The following LIMK2 variants were observed in gnomAD, a reference collection of about 807,000 sequenced individuals.
LIMK2 encodes the protein LIM domain kinase 2.
LIMK2 carries 35 observed loss-of-function variants against 75.7 expected under a neutral mutation model. The observed-to-expected ratio is 0.46, with a 90% CI of 0.35 to 0.61. The LOEUF (loss-of-function observed/expected upper bound fraction) is 0.61, where lower values mean the gene tolerates loss of function less well. LIMK2 is among the 20% of genes least tolerant of loss of function. LIMK2 has a pLI of 0.00. For synonymous variants in LIMK2, 301 were observed against 319.2 expected, an observed-to-expected ratio of 0.94 and a Z score of 0.61; for missense variants, 623 against 831.0, an observed-to-expected ratio of 0.75 and a Z score of 3.08.
At chr22:31,220,286 T>G (rs1293812584) in intron 1 of LIMK2, among the ~76,000 whole-genome samples, 1 of 152,204 alleles carries the variant, frequency 6.6e-6, no homozygotes, top group Non-Finnish European at 1.5e-5. Flanking sequence ...TTTATCCACA[T>G]GAGACTACTC....
rs145329401 is a variant in LIMK2 at position 31,276,979 on chromosome 22, A to G, written c.1773-1318A>G. 46 of 1,613,688 alleles carry G rather than the reference A, an allele frequency of 2.9e-5. No individual in the cohort carries two copies. The African/African-American group carries it at 5.7e-4, about 20-fold the overall frequency. On this transcript the variant is annotated intron_variant, in intron 15 of 15. Coordinates refer to ENST00000331728, the MANE Select transcript of LIMK2 (RefSeq NM_005569.4). ...GGAAGAGGAGATCTCAGAACTAGAGATTGACGTGGATGAGCTCCTGGACAT... is the reference window on the plus strand; with the variant it reads ...GGAAGAGGAGATCTCAGAACTAGAGGTTGACGTGGATGAGCTCCTGGACAT...
intron 2 of LIMK2, among the ~76,000 whole-genome samples, chr22:31,254,771 C>T (rs2048760557): frequency 6.6e-6 from 1 of 152,122 alleles, no homozygotes; most frequent in South Asian, 2.1e-4. Context: ...CCAGCCTCAC[C>T]AACATGGGGA....
At chr22:31,266,884 G>A (rs2048901569) in intron 8 of LIMK2, 100 bp from the exon 9 acceptor site, 2 of 786,922 alleles carry the variant, frequency 2.5e-6, no homozygotes. Flanking sequence ...GGCTCAGTGT[G>A]CCCTCCAAGG....
intron 1 of LIMK2, among the ~76,000 whole-genome samples, chr22:31,213,718 A>G (rs933267913): frequency 6.6e-6 from 1 of 152,170 alleles, no homozygotes; most frequent in Non-Finnish European, 1.5e-5. Context: ...CAGCTTGGGC[A>G]ATATAGCGAG....
At chr22:31,229,236 C>T (rs1193171755) in intron 2 of LIMK2, among the ~76,000 whole-genome samples, 1 of 152,212 alleles carries the variant, frequency 6.6e-6, no homozygotes, top group African/African-American at 2.4e-5. Flanking sequence ...AGGAGCACAT[C>T]TCCTGACTTC....
chr22:31,257,223 G>A (rs549477054), intron 2 of LIMK2, among the ~76,000 whole-genome samples: 63 of 151,800 alleles, frequency 4.2e-4, no homozygotes, highest in African/African-American at 1.4e-3. Context: ...ATCTTACACA[G>A]TGCTAATAGA....
At chr22:31,270,583 TAACA>T (rs1278678302) in intron 11 of LIMK2, among the ~76,000 whole-genome samples, 2 of 152,150 alleles carry the variant, frequency 1.3e-5, no homozygotes, top group African/African-American at 2.4e-5. Flanking sequence ...AGAGGAGACA[TAACA>T]AACAAATTTG....
chr22:31,276,709 C>T, intron 15 of LIMK2: 2 of 1,349,340 alleles, frequency 1.5e-6, no homozygotes, highest in Non-Finnish European at 1.9e-6. Flanking sequence ...AGCGGCACCG[C>T]GGGGGGCGCG....
At chr22:31,219,634 C>T (rs768708822) in intron 1 of LIMK2, among the ~76,000 whole-genome samples, 4 of 152,054 alleles carry the variant, frequency 2.6e-5, no homozygotes, top group Admixed American at 1.3e-4. Context: ...CGCAGTGGCA[C>T]GATCTCGGCT....
chr22:31,226,271 C>T (rs1034290598), intron 2 of LIMK2, among the ~76,000 whole-genome samples: 4 of 151,502 alleles, frequency 2.6e-5, no homozygotes, highest in South Asian at 4.2e-4. Flanking sequence ...GGTGCAATCT[C>T]GGCTCACTGC....
intron 2 of LIMK2, among the ~76,000 whole-genome samples, chr22:31,227,109 C>G (rs542170723): frequency 6.6e-6 from 1 of 152,342 alleles, no homozygotes; most frequent in Admixed American, 6.5e-5. Flanking sequence ...TCCTTCCTCC[C>G]ATCGGATTGG....
chr22:31,277,618 A>T (rs1157196319), intron 15 of LIMK2: 1 of 852,190 alleles, frequency 1.2e-6, no homozygotes, highest in Admixed American at 5.9e-5. Flanking sequence ...TTAATTTATT[A>T]AAAAATATAT....
intron 2 of LIMK2, 122 bp from the exon 3 acceptor site, chr22:31,258,169 C>G: frequency 9.7e-7 from 1 of 1,032,006 alleles, no homozygotes; most frequent in Admixed American, 2.4e-5. Context: ...TAACTTTGCC[C>G]CATCTTGGCT....
intron 2 of LIMK2, among the ~76,000 whole-genome samples, chr22:31,243,797 G>A (rs2048643439): frequency 6.6e-6 from 1 of 152,208 alleles, no homozygotes; most frequent in Admixed American, 6.5e-5. Flanking sequence ...GTTTCCAAGG[G>A]TGGGAGGGTG....
At chr22:31,245,780 A>G (rs1328279399) in intron 2 of LIMK2, among the ~76,000 whole-genome samples, 7 of 152,176 alleles carry the variant, frequency 4.6e-5, no homozygotes, top group Admixed American at 2.6e-4. Context: ...AAAAAAAGCA[A>G]AAGAATGCTT....
chr22:31,260,534 C>T (rs751701617), intron 5 of LIMK2, among the ~76,000 whole-genome samples: 1 of 152,136 alleles, frequency 6.6e-6, no homozygotes, highest in South Asian at 2.1e-4. Context: ...TGGTCCATGG[C>T]CCAAAAGAAG....
chr22:31,244,673 C>G (rs1477794610), intron 2 of LIMK2, among the ~76,000 whole-genome samples: 1 of 152,152 alleles, frequency 6.6e-6, no homozygotes, highest in East Asian at 1.9e-4. Flanking sequence ...CTAACCAAGG[C>G]CCAGACAGAG....
At chr22:31,263,982 C>A (rs1231425514) in intron 7 of LIMK2, among the ~76,000 whole-genome samples, 1 of 152,000 alleles carries the variant, frequency 6.6e-6, no homozygotes, top group Non-Finnish European at 1.5e-5. Flanking sequence ...AGAGTGAGAC[C>A]TTGTCTCCAA....
intron 11 of LIMK2, among the ~76,000 whole-genome samples, chr22:31,270,155 G>A (rs1398884422): frequency 3.3e-5 from 5 of 152,182 alleles, no homozygotes; most frequent in African/African-American, 1.2e-4. Context: ...CTGGCTTAGG[G>A]AGAGGCTGCT....
Sources: allele counts gnomAD v4.1 joint callset (sites outside exome capture counted in the v4.1 genomes callset), GRCh38; gene constraint gnomAD v4.1.1; transcripts MANE v1.5; gene names NCBI Gene and HGNC (gene_info 2026-07-23, HGNC 2026-07-21).